Variants in SEH1L observed in about 807,000 individuals in gnomAD.
SEH1L encodes the protein nucleoporin SEH1.
A neutral mutation model predicts 49.5 loss-of-function variants in SEH1L; 18 were observed. The ratio of observed to expected loss-of-function variants is 0.36; its 90% CI spans 0.25 to 0.54. SEH1L has a LOEUF of 0.54. Ranked by LOEUF, SEH1L falls within the 20% of genes least tolerant of loss-of-function variation. The pLI, the probability that SEH1L is intolerant of heterozygous loss-of-function variation, is 0.87. For missense variants in SEH1L, 404 were observed against 528.8 expected, an observed-to-expected ratio of 0.76 and a Z score of 2.31; for synonymous variants, 169 against 178.1, an observed-to-expected ratio of 0.95 and a Z score of 0.41.
intron 3 of SEH1L, among the ~76,000 whole-genome samples, chr18:12,962,388 AAAT>A (rs1227764572): frequency 1.3e-4 from 20 of 150,462 alleles, no homozygotes; most frequent in African/African-American, 4.2e-4. Flanking sequence ...AAAAAAAAAA[AAAT>A]AATAATAATA....
intron 5 of SEH1L, chr18:12,974,160 T>C (rs563359910): frequency 6.6e-6 from 1 of 152,392 alleles, no homozygotes; most frequent in Non-Finnish European, 1.5e-5. Flanking sequence ...CAGCACTTTT[T>C]GGAGTTCTGT....
At chr18:12,982,974 C>T in intron 7 of SEH1L, 1 of 188,350 alleles carries the variant, frequency 5.3e-6, no homozygotes, top group Non-Finnish European at 1.1e-5. Context: ...GACTGCTCTA[C>T]AAACTCAGGC....
chr18:12,982,449 ATG>A, intron 6 of SEH1L, 67 bp from the exon 7 acceptor site: 1 of 1,081,708 alleles, frequency 9.2e-7, no homozygotes, highest in East Asian at 2.5e-5. Context: ...GTATATATAT[ATG>A]TGTGTGTATA....
At chr18:12,962,789 G>A (rs2031253665) in intron 3 of SEH1L, among the ~76,000 whole-genome samples, 1 of 151,896 alleles carries the variant, frequency 6.6e-6, no homozygotes, top group East Asian at 1.9e-4. Flanking sequence ...CAGTTAAAGG[G>A]TCTAATGCTT....
intron 3 of SEH1L, among the ~76,000 whole-genome samples, chr18:12,960,708 T>C (rs919691692): frequency 6.6e-6 from 1 of 152,200 alleles, no homozygotes; most frequent in African/African-American, 2.4e-5. Context: ...CAGTATACTA[T>C]AGATTGGATT....
At position 12,951,878 on chromosome 18, in the gene SEH1L, T is replaced by A; in HGVS notation, c.135T>A (p.Gly45=). Reference sequence around the variant, plus strand: ...AGGTCTGGGATAAAAGTGAAAGTGGTGATTGGCATTGTACTGCTAGCTGGA... The same window carrying A: ...AGGTCTGGGATAAAAGTGAAAGTGGAGATTGGCATTGTACTGCTAGCTGGA... ...SVKVWDKSES[G]DWHCTASWKT... Residue 45 remains glycine (G), a synonymous_variant, in exon 2 of 9, where the codon GGT becomes GGA. Transcript: ENST00000399892. 1 of 1,577,698 alleles carries A rather than the reference T, an allele frequency of 6.3e-7. No individual in the cohort carries two copies. Among genetic ancestry groups the A allele is most frequent in the South Asian group, 1.2e-5 (1 of 86,214 alleles).
At chr18:12,965,589 GA>G (rs1233241147) in intron 4 of SEH1L, among the ~76,000 whole-genome samples, 2 of 152,210 alleles carry the variant, frequency 1.3e-5, no homozygotes, top group African/African-American at 4.8e-5. Flanking sequence ...CCGAATGTAA[GA>G]ATTTCAAAAG....
At chr18:12,982,803 A>G in intron 7 of SEH1L, 128 bp downstream of exon 7, 1 of 704,842 alleles carries the variant, frequency 1.4e-6, no homozygotes, top group Non-Finnish European at 2.3e-6. Flanking sequence ...ATATTAATTT[A>G]TGTTATTTTG....
At chr18:12,948,296 G>C in intron 1 of SEH1L, 64 bp downstream of exon 1, 1 of 1,183,630 alleles carries the variant, frequency 8.4e-7, no homozygotes, top group Non-Finnish European at 1.2e-6. Context: ...GGTGGGCGGC[G>C]CGGGGAACGG....
chr18:12,961,741 A>G (rs1472626540), intron 3 of SEH1L, among the ~76,000 whole-genome samples: 1 of 152,066 alleles, frequency 6.6e-6, no homozygotes, highest in Non-Finnish European at 1.5e-5. Flanking sequence ...ATCTCGGCTC[A>G]GTGCAGCCTC....
chr18:12,986,110 T>C, intron 8 of SEH1L: 3 of 984,934 alleles, frequency 3.0e-6, no homozygotes, highest in Non-Finnish European at 3.6e-6. Context: ...TGCATGTAAA[T>C]TAATTGTCAG....
intron 3 of SEH1L, among the ~76,000 whole-genome samples, chr18:12,958,089 T>TGAGA (rs1598947644): frequency 1.1e-5 from 1 of 93,314 alleles, no homozygotes; most frequent in Non-Finnish European, 2.0e-5. Context: ...TTTTTTTTTT[T>TGAGA]TTTTTTTTTT....
At chr18:12,981,849 C>CTTTTTTTTTTTTTTT (rs1467685892) in intron 6 of SEH1L, among the ~76,000 whole-genome samples, 7 of 102,500 alleles carry the variant, frequency 6.8e-5, no homozygotes, top group African/African-American at 2.8e-4. Context: ...CTGCCCTGCC[C>CTTTTTTTTTTTTTTT]ATTTTTTTTT....
At chr18:12,975,024 CT>C (rs1162486499) in intron 5 of SEH1L, among the ~76,000 whole-genome samples, 1 of 151,500 alleles carries the variant, frequency 6.6e-6, no homozygotes, top group Admixed American at 6.6e-5. Context: ...TGAAGTTTCA[CT>C]CTTGTTGCCC....
At chr18:12,985,331 C>T (rs2032420784) in intron 8 of SEH1L, 4 of 1,562,646 alleles carry the variant, frequency 2.6e-6, no homozygotes, top group African/African-American at 1.4e-5. Context: ...CTCCTTTTCC[C>T]CTTCCCCAGC....
chr18:12,953,663 C>T (rs990439518), intron 2 of SEH1L, among the ~76,000 whole-genome samples: 1 of 152,128 alleles, frequency 6.6e-6, no homozygotes, highest in Non-Finnish European at 1.5e-5. Flanking sequence ...AGGTCCCCCC[C>T]CCTTTTAAGG....
At chr18:12,985,307 G>A in intron 8 of SEH1L, 2 of 1,591,286 alleles carry the variant, frequency 1.3e-6, no homozygotes, top group Non-Finnish European at 8.6e-7. Context: ...ATGCACACAG[G>A]AATGGAAAGC....
chr18:12,949,087 C>T (rs141361510), intron 1 of SEH1L, among the ~76,000 whole-genome samples: 3,982 of 151,912 alleles, frequency 0.026, 150 homozygotes, highest in African/African-American at 0.09. Flanking sequence ...TCTCGAACTC[C>T]TGACCTCGTG....
chr18:12,984,251 A>G, intron 8 of SEH1L, 61 bp downstream of exon 8: 1 of 1,513,870 alleles, frequency 6.6e-7, no homozygotes, highest in South Asian at 1.1e-5. Context: ...TGGTAGCCAT[A>G]CTTAAGGTGG....
Sources: gnomAD v4.1 joint callset for allele counts (sites outside exome capture counted in the v4.1 genomes callset) on GRCh38, gnomAD v4.1.1 for gene constraint, MANE v1.5 for transcripts, NCBI Gene and HGNC (gene_info 2026-07-23, HGNC 2026-07-21) for gene names.